PTK2B: variants seen among roughly 807,000 people sequenced by gnomAD.
The protein encoded by PTK2B is protein-tyrosine kinase 2-beta.
Under a neutral mutation model 142.9 loss-of-function variants are expected in PTK2B, and 71 were observed. That is an observed-to-expected ratio of 0.50 (90% CI 0.41 to 0.61). The LOEUF (loss-of-function observed/expected upper bound fraction) is 0.61, where lower values mean the gene tolerates loss of function less well. Ranked by LOEUF, PTK2B falls within the 20% of genes least tolerant of loss-of-function variation. The pLI is 0.00. For missense variants in PTK2B, 1,105 were observed against 1,320.4 expected, an observed-to-expected ratio of 0.84 and a Z score of 2.53; for synonymous variants, 519 against 503.4, an observed-to-expected ratio of 1.03 and a Z score of -0.42.
chr8:27,331,676 GGGGTTTCACCATATTAGCCAGGCT>G (rs1803760127), intron 1 of PTK2B, among the ~76,000 whole-genome samples: 1 of 129,746 alleles, frequency 7.7e-6, no homozygotes, highest in South Asian at 2.8e-4. Context: ...TAGTAGAAAC[GGGGTTTCACCATATTAGCCAGGCT>G]GGTCTCGAAC....
intron 1 of PTK2B, among the ~76,000 whole-genome samples, chr8:27,336,534 TA>T (rs200127427): frequency 0.017 from 2,601 of 151,676 alleles, 58 homozygotes; most frequent in African/African-American, 0.044. Flanking sequence ...GGAGGGCTGC[TA>T]AAAAAAAATT....
intron 22 of PTK2B, among the ~76,000 whole-genome samples, 195 bp downstream of exon 22, chr8:27,443,178 G>T (rs555544264): frequency 6.6e-6 from 1 of 152,378 alleles, no homozygotes; most frequent in African/African-American, 2.4e-5. Context: ...CAGCCACCTT[G>T]TGGGATAGCT....
intron 24 of PTK2B, among the ~76,000 whole-genome samples, 181 bp downstream of exon 24, chr8:27,446,100 TG>T (rs2132346371): frequency 6.6e-6 from 1 of 152,324 alleles, no homozygotes; most frequent in African/African-American, 2.4e-5. Flanking sequence ...CATCAGAGGC[TG>T]GCAGCCACAC....
At chr8:27,453,023 A>G in intron 27 of PTK2B, 91 bp from the exon 28 acceptor site, 1 of 1,452,892 alleles carries the variant, frequency 6.9e-7, no homozygotes, top group Non-Finnish European at 9.6e-7. Flanking sequence ...CTGGTGGTAG[A>G]GGGGAAGGGG....
At chr8:27,416,280 T>C (rs1809398495) in intron 2 of PTK2B, among the ~76,000 whole-genome samples, 1 of 152,206 alleles carries the variant, frequency 6.6e-6, no homozygotes, top group South Asian at 2.1e-4. Context: ...CAAGATCTCA[T>C]GTAAAGCTAC....
At chr8:27,446,083 G>A (rs1267439188) in intron 24 of PTK2B, among the ~76,000 whole-genome samples, 164 bp downstream of exon 24, 2 of 152,214 alleles carry the variant, frequency 1.3e-5, no homozygotes, top group East Asian at 1.9e-4. Flanking sequence ...CCTTCCCTTT[G>A]CAAACACATC....
chr8:27,338,347 A>G (rs953364372), intron 1 of PTK2B, among the ~76,000 whole-genome samples: 2 of 151,974 alleles, frequency 1.3e-5, no homozygotes, highest in African/African-American at 4.8e-5. Context: ...AGCTATGAAG[A>G]TGCAAAGGCA....
chr8:27,437,907 T>C, intron 18 of PTK2B, 27 bp downstream of exon 18: 1 of 1,573,088 alleles, frequency 6.4e-7, no homozygotes, highest in South Asian at 1.2e-5. Flanking sequence ...TGGCCAGCGG[T>C]ATGGAAGCCA....
chr8:27,371,325 G>A (rs114245906), intron 1 of PTK2B, among the ~76,000 whole-genome samples: 3,013 of 152,232 alleles, frequency 0.02, 104 homozygotes, highest in African/African-American at 0.068. Context: ...GTTGTGTTGT[G>A]AATGCCAAGG....
intron 13 of PTK2B, 104 bp from the exon 14 acceptor site, chr8:27,435,639 C>T (rs373788281): frequency 1.4e-6 from 2 of 1,383,300 alleles, no homozygotes; most frequent in Non-Finnish European, 2.0e-6. Context: ...TCCTCCTACC[C>T]CCTTGGGCTC....
At chr8:27,447,746 G>A (rs1337338388) in intron 24 of PTK2B, among the ~76,000 whole-genome samples, 1 of 152,186 alleles carries the variant, frequency 6.6e-6, no homozygotes, top group Admixed American at 6.5e-5. Flanking sequence ...TGTAATCCCA[G>A]CTACTCAGGA....
intron 1 of PTK2B, among the ~76,000 whole-genome samples, chr8:27,336,894 G>T (rs1227218517): frequency 3.3e-5 from 5 of 152,136 alleles, no homozygotes; most frequent in Non-Finnish European, 7.4e-5. Context: ...GGAGTGCAGT[G>T]GCACAATCTC....
chr8:27,394,537 C>T (rs1217421404), intron 1 of PTK2B, among the ~76,000 whole-genome samples: 2 of 152,172 alleles, frequency 1.3e-5, no homozygotes, highest in Non-Finnish European at 2.9e-5. Flanking sequence ...TCGGAATCTG[C>T]GAGTGAGTGT....
intron 1 of PTK2B, among the ~76,000 whole-genome samples, chr8:27,364,574 C>G (rs1446482272): frequency 6.6e-6 from 1 of 152,160 alleles, no homozygotes; most frequent in Non-Finnish European, 1.5e-5. Flanking sequence ...GACATTCGCT[C>G]AGTACTGCAG....
At chr8:27,365,837 T>C (rs921339240) in intron 1 of PTK2B, among the ~76,000 whole-genome samples, 3 of 152,182 alleles carry the variant, frequency 2.0e-5, no homozygotes, top group Admixed American at 1.3e-4. Context: ...CAGCCAGACA[T>C]TGCTGGTAAT....
intron 1 of PTK2B, among the ~76,000 whole-genome samples, chr8:27,358,037 A>T (rs1183690056): frequency 6.6e-6 from 1 of 152,166 alleles, no homozygotes; most frequent in Non-Finnish European, 1.5e-5. Context: ...TTGGATTTCT[A>T]TGGGGTTGCA....
rs373442728 is a variant in PTK2B, at chr8:27,422,386, A to G, written c.551+3A>G. ...CAGCTGGGCTGCCTGGAGCTCAGGT[A>G]TGTGGCCCTGAGGCCTCTGCTGGGA... On this transcript the variant is annotated splice_donor_region_variant and intron_variant, in intron 5 of 30. Coordinates refer to ENST00000346049, the MANE Select transcript of PTK2B (RefSeq NM_173176.3). The G allele has an allele frequency of 6.2e-7, 1 of 1,610,340 alleles. No homozygotes were observed.
At chr8:27,431,336 CAA>C in intron 8 of PTK2B, 60 bp from the exon 9 acceptor site, 1 of 1,611,868 alleles carries the variant, frequency 6.2e-7, no homozygotes. Context: ...AGCTTTTCTT[CAA>C]GTTTCTGAAG....
intron 1 of PTK2B, among the ~76,000 whole-genome samples, chr8:27,394,260 G>T (rs757286836): frequency 6.6e-6 from 1 of 152,022 alleles, no homozygotes; most frequent in Non-Finnish European, 1.5e-5. Flanking sequence ...CTTTTTGACT[G>T]TTTTCCCTTC....
Sources: gnomAD v4.1 joint callset for allele counts (sites outside exome capture counted in the v4.1 genomes callset) on GRCh38, gnomAD v4.1.1 for gene constraint, MANE v1.5 for transcripts, NCBI Gene and HGNC (gene_info 2026-07-23, HGNC 2026-07-21) for gene names.